KCNC2: variants seen among roughly 807,000 people sequenced by gnomAD.
The protein encoded by KCNC2 is voltage-gated potassium channel KCNC2.
A neutral mutation model predicts 44.5 loss-of-function variants in KCNC2; 21 were observed. The ratio of observed to expected loss-of-function variants is 0.47; its 90% CI spans 0.33 to 0.68. The LOEUF (loss-of-function observed/expected upper bound fraction) is 0.68. Ranked by LOEUF, KCNC2 falls within the 30% of genes least tolerant of loss-of-function variation. The probability of loss-of-function intolerance (pLI) is 0.01; values close to 1 mark genes in which losing one functional copy is unlikely to be tolerated. For missense variants in KCNC2, 589 were observed against 826.2 expected, an observed-to-expected ratio of 0.71 and a Z score of 3.52; for synonymous variants, 391 against 339.1, an observed-to-expected ratio of 1.15 and a Z score of -1.68.
intron 2 of KCNC2, among the ~76,000 whole-genome samples, chr12:75,195,148 A>G (rs1199326596): frequency 6.6e-6 from 1 of 152,168 alleles, no homozygotes; most frequent in African/African-American, 2.4e-5. Context: ...TGCAAAAACT[A>G]ATATTATTTT....
At chr12:75,098,329 T>G (rs1886102140) in intron 2 of KCNC2, among the ~76,000 whole-genome samples, 1 of 152,198 alleles carries the variant, frequency 6.6e-6, no homozygotes, top group African/African-American at 2.4e-5. Context: ...TGTAAAATAT[T>G]TATTTCACAT....
At chr12:75,170,206 T>G (rs1193790826) in intron 2 of KCNC2, among the ~76,000 whole-genome samples, 1 of 151,788 alleles carries the variant, frequency 6.6e-6, no homozygotes, top group African/African-American at 2.4e-5. Flanking sequence ...TACAAAGCTC[T>G]TCCTCGTACA....
intron 2 of KCNC2, among the ~76,000 whole-genome samples, chr12:75,190,977 C>CAATCAATAAG (rs1407177755): frequency 6.6e-6 from 1 of 151,944 alleles, no homozygotes; most frequent in African/African-American, 2.4e-5. Context: ...AATAATATTT[C>CAATCAATAAG]AATCAATAAG....
At chr12:75,195,623 T>C (rs1416665306) in intron 2 of KCNC2, among the ~76,000 whole-genome samples, 3 of 152,116 alleles carry the variant, frequency 2.0e-5, no homozygotes, top group Middle Eastern at 3.2e-3. Context: ...TTCCTCTTGC[T>C]GCTGTCTTAT....
chr12:75,132,455 A>G (rs2137350191), intron 2 of KCNC2, among the ~76,000 whole-genome samples: 1 of 152,256 alleles, frequency 6.6e-6, no homozygotes, highest in South Asian at 2.1e-4. Context: ...ATGGATGTTC[A>G]CTGTAACATT....
chr12:75,048,370 C>A, intron 3 of KCNC2, 53 bp from the exon 4 acceptor site: 1 of 1,510,042 alleles, frequency 6.6e-7, no homozygotes, highest in Non-Finnish European at 9.0e-7. Flanking sequence ...GGAAATGAGA[C>A]AGTACAAAGA....
intron 2 of KCNC2, among the ~76,000 whole-genome samples, chr12:75,181,252 TTTTAA>T (rs1223193062): frequency 6.6e-6 from 1 of 152,210 alleles, no homozygotes; most frequent in Non-Finnish European, 1.5e-5. Flanking sequence ...TCCATTCTTA[TTTTAA>T]TAATTAACTC....
At chr12:75,133,641 C>T (rs1438215874) in intron 2 of KCNC2, among the ~76,000 whole-genome samples, 1 of 151,832 alleles carries the variant, frequency 6.6e-6, no homozygotes, top group Non-Finnish European at 1.5e-5. Context: ...TAAGAGTGGC[C>T]TTACATGAAT....
chr12:75,076,052 C>CAA (rs1409940840), intron 2 of KCNC2, among the ~76,000 whole-genome samples: 1 of 151,314 alleles, frequency 6.6e-6, no homozygotes, highest in East Asian at 1.9e-4. Flanking sequence ...CACACACACA[C>CAA]ACACACACAC....
chr12:75,104,760 A>G (rs1459492662), intron 2 of KCNC2, among the ~76,000 whole-genome samples: 1 of 152,168 alleles, frequency 6.6e-6, no homozygotes, highest in Non-Finnish European at 1.5e-5. Context: ...ACTGACATAC[A>G]GAGAAGTTAA....
In KCNC2 at chr12:75,050,516, T is replaced by C. The variant is rs1881058344; in HGVS notation, c.1489A>G (p.Ile497Val). ...GAGCTTGCCTGAGGAGCAGGAGGGA[T>C]GTGCTTCTTTCTTTTCCTTGGAAGT... The part of the protein sequence containing the change: ...QKLPRKRKKH[I>V]PPAPQASSPT... Residue 497 changes from isoleucine (I) to valine (V), a missense_variant, in exon 3 of 5, where the codon ATC becomes GTC. Ile to Val is a conservative substitution (Grantham distance 29, BLOSUM62 3). This residue lies in a region of KCNC2 where 171 missense variants were observed against 182.4 expected (regional missense o/e 0.94). Coordinates refer to ENST00000549446, the MANE Select transcript of KCNC2 (RefSeq NM_139137.4). 6.2e-7 allele frequency: 1 copy of C among 1,613,580 alleles called. No individual in the cohort carries two copies. Among genetic ancestry groups the C allele is most frequent in the African/African-American group, 1.3e-5 (1 of 74,876 alleles).
chr12:75,147,514 A>G (rs747417795), intron 2 of KCNC2, among the ~76,000 whole-genome samples: 1 of 152,206 alleles, frequency 6.6e-6, no homozygotes, highest in Non-Finnish European at 1.5e-5. Flanking sequence ...ATAGGTTTTA[A>G]AAGAATAGGA....
At chr12:75,144,725 T>C (rs1889895098) in intron 2 of KCNC2, among the ~76,000 whole-genome samples, 1 of 152,152 alleles carries the variant, frequency 6.6e-6, no homozygotes, top group African/African-American at 2.4e-5. Context: ...AGCCTAACTT[T>C]ATAAATACTT....
chr12:75,082,350 T>G (rs1238251045), intron 2 of KCNC2, among the ~76,000 whole-genome samples: 1 of 151,938 alleles, frequency 6.6e-6, no homozygotes, highest in African/African-American at 2.4e-5. Context: ...AAGTGAGATT[T>G]CTGCACCTGA....
intron 2 of KCNC2, among the ~76,000 whole-genome samples, chr12:75,098,496 C>T (rs1028390318): frequency 7.2e-5 from 11 of 152,118 alleles, no homozygotes; most frequent in African/African-American, 2.7e-4. Flanking sequence ...CTGTGTCTCA[C>T]TCCTGTAATC....
intron 2 of KCNC2, among the ~76,000 whole-genome samples, chr12:75,157,944 C>A (rs1890871344): frequency 6.6e-6 from 1 of 151,850 alleles, no homozygotes. Flanking sequence ...AATTAAATGG[C>A]CAGGAGTCTT....
rs1188167159 is a variant in KCNC2, at chr12:75,207,409, A to G, written c.575T>C (p.Ile192Thr). 2 of 1,599,420 alleles carry G rather than the reference A, an allele frequency of 1.3e-6. No homozygotes were observed. Among genetic ancestry groups the G allele is most frequent in the Admixed American group, 1.7e-5 (1 of 58,014 alleles). ...GCCCCCGAGCCCCGCCGCGTCCTCGATGCCCAGCCTCTTGGCCGCCAGGTC... is the reference window on the plus strand; with the variant it reads ...GCCCCCGAGCCCCGCCGCGTCCTCGGTGCCCAGCCTCTTGGCCGCCAGGTC... ...DEDLAAKRLG[I>T]EDAAGLGGPD... is the part of the protein sequence containing the mutation. Residue 192 changes from isoleucine (I) to threonine (T), a missense_variant, in exon 2 of 5, where the codon ATC (isoleucine) becomes ACC (threonine). Ile to Thr is a moderately conservative substitution (Grantham distance 89). Coordinates refer to ENST00000549446, the MANE Select transcript of KCNC2 (RefSeq NM_139137.4). This position sits in a 1 kb window ranked among gnomAD's most constrained non-coding sequence, Gnocchi z 4.1.
chr12:75,145,086 C>T lies in KCNC2; in HGVS notation c.687+62211G>A, dbSNP rs115216604. ...AATTACTGAGCCAGAAGGCTAAAGC[C>T]TTGCAACATCTGTGTGCCAGTTATA... On this transcript the variant is annotated intron_variant, in intron 2 of 4. Transcript: ENST00000549446. Among the ~76,000 whole-genome samples, 1,467 of 152,276 alleles carry T rather than the reference C, an allele frequency of 9.6e-3. 24 individuals carry two copies. The highest frequency in any genetic ancestry group is 0.033 in the African/African-American group (1,380 of 41,550).
intron 2 of KCNC2, among the ~76,000 whole-genome samples, chr12:75,199,948 GA>G (rs1009278352): frequency 6.6e-6 from 1 of 151,658 alleles, no homozygotes; most frequent in Non-Finnish European, 1.5e-5. Context: ...AAGCTGAAGG[GA>G]AAAAAAGTGG....
Sources: allele counts gnomAD v4.1 joint callset (sites outside exome capture counted in the v4.1 genomes callset), GRCh38; gene constraint gnomAD v4.1.1; regional missense constraint gnomAD v4.1.1; non-coding constraint Gnocchi (gnomAD v3.1); transcripts MANE v1.5; gene names NCBI Gene and HGNC (gene_info 2026-07-23, HGNC 2026-07-21).